PKLR: variants seen among roughly 807,000 people sequenced by gnomAD.
PKLR encodes the protein pyruvate kinase L/R, also known as pyruvate kinase PKLR.
Under a neutral mutation model 53.6 loss-of-function variants are expected in PKLR, and 38 were observed. The observed-to-expected ratio is 0.71, with a 90% CI of 0.55 to 0.93. PKLR has a LOEUF of 0.93. Ranked by LOEUF, PKLR falls within the 40% of genes least tolerant of loss-of-function variation. The probability of loss-of-function intolerance (pLI) is 0.00; values close to 1 mark genes in which losing one functional copy is unlikely to be tolerated. For missense variants in PKLR, 702 were observed against 787.3 expected, an observed-to-expected ratio of 0.89 and a Z score of 1.30; for synonymous variants, 328 against 316.2, an observed-to-expected ratio of 1.04 and a Z score of -0.39.
rs759358280 is a variant in PKLR at position 155,295,755 on chromosome 1, C to T, written c.285G>A (p.Gly95=). Reference sequence around the variant, plus strand: ...GGCGCTCCACGGAGCGAGATGCTGGCCCTAGAACCAGAGATTCACGTTCAG... The same window carrying T: ...GGCGCTCCACGGAGCGAGATGCTGGTCCTAGAACCAGAGATTCACGTTCAG... The part of the protein sequence containing the change: ...ARSTSIIATI[G]PASRSVERLK... Residue 95 remains glycine, a splice_region_variant and synonymous_variant, in exon 3 of 11, where the codon GGG becomes GGA. Coordinates refer to ENST00000342741, the MANE Select transcript of PKLR (RefSeq NM_000298.6). The surrounding 1 kb of genome is among the most constrained non-coding windows in gnomAD (Gnocchi z 4.3). 1.9e-6 allele frequency: 3 copies of T among 1,613,542 alleles called. No individual in the cohort carries two copies.
chr1:155,299,163 CTCTCTCTT>C (rs1240623124), intron 2 of PKLR, among the ~76,000 whole-genome samples: 123 of 127,914 alleles, frequency 9.6e-4, no homozygotes, highest in African/African-American at 3.4e-3. Context: ...CCTTCTTTCT[CTCTCTCTT>C]TCTTTCTTTC....
At chr1:155,300,391 A>G (rs1647923993) in intron 1 of PKLR, 111 bp from the exon 2 acceptor site, 3 of 810,380 alleles carry the variant, frequency 3.7e-6, no homozygotes, top group Non-Finnish European at 6.1e-6. Flanking sequence ...GGCATCATGC[A>G]TATATTATTT....
intron 5 of PKLR, 91 bp from the exon 6 acceptor site, chr1:155,294,843 G>A: frequency 6.7e-7 from 1 of 1,485,778 alleles, no homozygotes; most frequent in Non-Finnish European, 9.3e-7. Context: ...CCCGCAAGAG[G>A]TCAGGAACCA....
Position 155,299,491 on chromosome 1 carries a change from C to CTTTT in PKLR, c.283+603_283+606dup, listed in dbSNP as rs35869567. 1.2e-3 allele frequency among the ~76,000 whole-genome samples: 53 copies of CTTTT among 42,766 alleles called. 8 individuals carry two copies. The highest frequency in any genetic ancestry group is 4.2e-3 in the African/African-American group (41 of 9,878). 28.1% of individuals were successfully genotyped at this position (42,766 alleles called of 152,430 possible). A position where few individuals can be genotyped will look rare whatever the true frequency, so the allele number is the denominator to read the frequency against. ...GGCATGAGCCACTGAGCCCAGCCCACTTTTTTTTTTTTTTTTTTTTTTTTT... is the reference window on the plus strand; with the variant it reads ...GGCATGAGCCACTGAGCCCAGCCCACTTTTTTTTTTTTTTTTTTTTTTTTTTTTT... On this transcript the variant is annotated intron_variant, in intron 2 of 10. Transcript: ENST00000342741.
rs779169180 is a variant in PKLR at position 155,295,327 on chromosome 1, TG to T, written c.508-26del. 1.2e-6 allele frequency: 2 copies of T among 1,613,664 alleles called. No individual in the cohort carries two copies. Among genetic ancestry groups the T allele is most frequent in the Non-Finnish European group, 1.7e-6 (2 of 1,179,786 alleles). The stretch of plus-strand genomic sequence containing the variant: ...CCTAAGGAGGGAGCCAGAGGAGATG[TG>T]AGTTCTGAGCCCCGGAGTCCGGGAC... On this transcript the variant is annotated intron_variant, in intron 4 of 10. Coordinates refer to ENST00000342741, the MANE Select transcript of PKLR (RefSeq NM_000298.6). The surrounding 1 kb of genome is among the most constrained non-coding windows in gnomAD (Gnocchi z 4.3).
At chr1:155,299,138 C>T (rs1253237034) in intron 2 of PKLR, among the ~76,000 whole-genome samples, 5 of 147,780 alleles carry the variant, frequency 3.4e-5, no homozygotes, top group Non-Finnish European at 6.0e-5. Context: ...TCCCTCCCTC[C>T]CTCCTTCCTT....
the PKLR span, among the ~76,000 whole-genome samples, chr1:155,307,839 T>C: frequency 6.6e-6 from 1 of 152,138 alleles, no homozygotes; most frequent in Non-Finnish European, 1.5e-5. Context: ...TAGCTGGGCA[T>C]GCTGGCAGGC....
chr1:155,302,139 C>T (rs1317859399), upstream of PKLR, among the ~76,000 whole-genome samples: 1 of 151,422 alleles, frequency 6.6e-6, no homozygotes, highest in Non-Finnish European at 1.5e-5. Flanking sequence ...TTCATTGCAA[C>T]CTCTGCGATC....
At chr1:155,301,441 A>C, upstream of PKLR, 8 of 1,613,834 alleles carry the variant, frequency 5.0e-6, no homozygotes, top group Non-Finnish European at 6.8e-6. Flanking sequence ...AATGAGAGGG[A>C]GAGGATGACA....
At chr1:155,304,084 C>T (rs1648166298), upstream of PKLR, among the ~76,000 whole-genome samples, 1 of 151,908 alleles carries the variant, frequency 6.6e-6, no homozygotes, top group Non-Finnish European at 1.5e-5. Context: ...GTGGGTTTAC[C>T]CAGGGGATGG....
In PKLR at chr1:155,293,538, T is replaced by C. The variant is rs759834904; in HGVS notation, c.1169A>G (p.Asp390Gly). 6.2e-7 allele frequency: 1 copy of C among 1,614,196 alleles called. No homozygotes were observed. Among genetic ancestry groups the C allele is most frequent in the Non-Finnish European group, 8.5e-7 (1 of 1,180,038 alleles). Residue 390 changes from aspartate to glycine, a missense_variant, in exon 8 of 11, where the codon GAT (aspartate) becomes GGT (glycine). Around this residue, in one of 2 missense-constraint regions of PKLR, gnomAD observed 519 missense variants for 537.1 expected, o/e 0.97. Coordinates refer to ENST00000342741, the MANE Select transcript of PKLR (RefSeq NM_000298.6). This position sits in a 1 kb window ranked among gnomAD's most constrained non-coding sequence, Gnocchi z 4.2. ...KPRPTRAETS[D>G]VANAVLDGAD... ...CCCATCCAGCACAGCATTGGCGACA[T>C]CGCTTGTCTCTGCCCTCGTTGGCCG...
Position 155,300,258 on chromosome 1 carries a change from C to T in PKLR, c.123G>A (p.Arg41=). 6.2e-7 allele frequency: 1 copy of T among 1,601,236 alleles called. No individual in the cohort carries two copies. The highest frequency in any genetic ancestry group is 8.5e-7 in the Non-Finnish European group (1 of 1,174,364). The change falls in exon 2 of 11, where the codon CGG becomes CGA. Residue 41 remains arginine (R), a synonymous_variant. Transcript: ENST00000342741. ...CCTGGGTCAGTTGGGCCACACTGGC[C>T]CGCCGCAGATACCCCGCTGGCCCTG... ...APGGPAGYLR[R]ASVAQLTQEL...
chr1:155,295,850 A>ACAGGC lies in PKLR; in HGVS notation c.284-99_284-95dup. 9.8e-7 allele frequency: 1 copy of ACAGGC among 1,024,960 alleles called. No individual in the cohort carries two copies. The highest frequency in any genetic ancestry group is 1.3e-5 in the South Asian group (1 of 77,880). 63.5% of individuals were successfully genotyped at this position (1,024,960 alleles called of 1,614,324 possible). On this transcript the variant is annotated intron_variant, in intron 2 of 10. Coordinates refer to ENST00000342741, the MANE Select transcript of PKLR (RefSeq NM_000298.6). The surrounding 1 kb of genome is among the most constrained non-coding windows in gnomAD (Gnocchi z 4.3). ...TACCATTCTCAGAACGCCTCACGCC[A>ACAGGC]CAGGCGTCCTGTTACCTGATCTTTA...
At chr1:155,303,918 C>T (rs937393629), upstream of PKLR, among the ~76,000 whole-genome samples, 4 of 151,892 alleles carry the variant, frequency 2.6e-5, no homozygotes, top group African/African-American at 4.8e-5. Flanking sequence ...TTTTCCATGG[C>T]GGCGGGGCGG....
Position 155,294,385 on chromosome 1 carries a change from C to T in PKLR, c.966G>A (p.Arg322=). 1 of 1,614,160 alleles carries T rather than the reference C, an allele frequency of 6.2e-7. No individual in the cohort carries two copies. Among genetic ancestry groups the T allele is most frequent in the Non-Finnish European group, 8.5e-7 (1 of 1,180,026 alleles). The change falls in exon 7 of 11, where the codon AGG becomes AGA. Residue 322 remains arginine, a splice_region_variant and synonymous_variant. Transcript: ENST00000342741. ...CGCTCACCTCCAGGATTTCATCAAA[C>T]CTGAGAGGTTGGGAGAATCAAGGCA... The part of the protein sequence containing the change: ...SKIENHEGVK[R]FDEILEVSDG...
chr1:155,294,432 G>A (rs748358361), intron 6 of PKLR, 47 bp from the exon 7 acceptor site: 2 of 1,614,220 alleles, frequency 1.2e-6, no homozygotes, highest in East Asian at 2.2e-5. Context: ...GAGAAGAAAG[G>A]TGATGGGGAA....
chr1:155,296,119 G>C (rs767341752), intron 2 of PKLR, among the ~76,000 whole-genome samples: 17 of 152,156 alleles, frequency 1.1e-4, no homozygotes, highest in African/African-American at 2.2e-4. Flanking sequence ...GTTTGGGTGC[G>C]GGCTTTTAGA....
At chr1:155,301,667 G>C (rs1648002315), upstream of PKLR, among the ~76,000 whole-genome samples, 1 of 151,908 alleles carries the variant, frequency 6.6e-6, no homozygotes, top group South Asian at 2.1e-4. Context: ...CAGTCATATG[G>C]CCCCATTTTC....
In PKLR at chr1:155,294,613, A is replaced by G. The variant is rs750836008; in HGVS notation, c.834T>C (p.His278=). Reference sequence around the variant, plus strand: ...AGGAGGCAAAGACGATGTCCACCCCATGCTCCACCCCGAAGCGCAGGTCTC... The same window carrying G: ...AGGAGGCAAAGACGATGTCCACCCCGTGCTCCACCCCGAAGCGCAGGTCTC... ...DVRDLRFGVE[H]GVDIVFASFV... The change falls in exon 6 of 11, where the codon CAT becomes CAC. Residue 278 remains histidine (H), a synonymous_variant. Coordinates refer to ENST00000342741, the MANE Select transcript of PKLR (RefSeq NM_000298.6). 6.2e-7 allele frequency: 1 copy of G among 1,614,100 alleles called. No homozygotes were observed. Among genetic ancestry groups the G allele is most frequent in the South Asian group, 1.1e-5 (1 of 91,076 alleles).
Sources: allele counts gnomAD v4.1 joint callset (sites outside exome capture counted in the v4.1 genomes callset), GRCh38; gene constraint gnomAD v4.1.1; regional missense constraint gnomAD v4.1.1; non-coding constraint Gnocchi (gnomAD v3.1); transcripts MANE v1.5; gene names NCBI Gene and HGNC (gene_info 2026-07-23, HGNC 2026-07-21).